Variants in FHIT observed in about 807,000 individuals in gnomAD.
FHIT encodes bis(5'-adenosyl)-triphosphatase.
Under a neutral mutation model 17.9 loss-of-function variants are expected in FHIT, and 19 were observed. The ratio of observed to expected loss-of-function variants is 1.06; its 90% CI spans 0.74 to 1.56. FHIT has a LOEUF of 1.56. FHIT is among the 40% of genes most tolerant of loss of function. The pLI is 0.00. For missense variants in FHIT, 248 were observed against 189.2 expected, an observed-to-expected ratio of 1.31 and a Z score of -1.82; for synonymous variants, 81 against 69.7, an observed-to-expected ratio of 1.16 and a Z score of -0.81.
chr3:59,880,289 ATC>A (rs1477756535), intron 8 of FHIT, among the ~76,000 whole-genome samples: 1 of 151,776 alleles, frequency 6.6e-6, no homozygotes, highest in Non-Finnish European at 1.5e-5. Context: ...TCTCTCAGGG[ATC>A]TCTCTCCTCC....
rs1196422631 is a variant in FHIT at position 60,852,131 on chromosome 3, C to CA, written c.-110-30121dup. Among the ~76,000 whole-genome samples, 57 of 151,728 alleles carry CA rather than the reference C, an allele frequency of 3.8e-4. 1 individual carries two copies. The highest frequency in any genetic ancestry group is 1.3e-3 in the African/African-American group (53 of 41,380). On this transcript the variant is annotated intron_variant, in intron 3 of 9. Coordinates refer to ENST00000492590, the MANE Select transcript of FHIT (RefSeq NM_002012.4). ...CAATCAGCTGAAGGCTTGATTAGGACAAAAAAAAGCTGACCCTCATGCAAG... is the reference window on the plus strand; with the variant it reads ...CAATCAGCTGAAGGCTTGATTAGGACAAAAAAAAAGCTGACCCTCATGCAAG...
chr3:59,855,857 T>C (rs1702133424), intron 8 of FHIT, among the ~76,000 whole-genome samples: 1 of 151,802 alleles, frequency 6.6e-6, no homozygotes, highest in Non-Finnish European at 1.5e-5. Context: ...CTTGGCTCAC[T>C]GCAAGCTCTG....
At chr3:60,260,795 C>A (rs1333196854) in intron 5 of FHIT, among the ~76,000 whole-genome samples, 1 of 151,984 alleles carries the variant, frequency 6.6e-6, no homozygotes, top group African/African-American at 2.4e-5. Flanking sequence ...CGTAAAGAAG[C>A]TGGCCAAAAC....
chr3:60,771,123 T>C (rs1446402382), intron 4 of FHIT, among the ~76,000 whole-genome samples: 1 of 152,242 alleles, frequency 6.6e-6, no homozygotes, highest in Non-Finnish European at 1.5e-5. Context: ...TCCAACTCAA[T>C]CTTCTTTCTT....
At chr3:60,396,720 G>C (rs769756697) in intron 5 of FHIT, among the ~76,000 whole-genome samples, 1 of 152,122 alleles carries the variant, frequency 6.6e-6, no homozygotes, top group Non-Finnish European at 1.5e-5. Context: ...TATAAAGGTG[G>C]TAGCTGCACA....
intron 4 of FHIT, among the ~76,000 whole-genome samples, chr3:60,680,451 C>A (rs1053610392): frequency 6.6e-6 from 1 of 151,690 alleles, no homozygotes; most frequent in African/African-American, 2.4e-5. Flanking sequence ...TATTAATTTT[C>A]TACTATGAAA....
At position 59,751,596 on chromosome 3, in the gene FHIT, A is replaced by AGAGTT. The variant is rs1553659402; in HGVS notation, c.*5+624_*5+625insAACTC. 8 of 220,946 alleles carry AGAGTT rather than the reference A, an allele frequency of 3.6e-5. No individual in the cohort carries two copies. In the South Asian group the frequency reaches 7.4e-4, roughly 20 times the overall value. The allele number at this position is 220,946 out of a possible 1,614,324, so 13.7% of individuals were successfully genotyped here. On this transcript the variant is annotated intron_variant, in intron 9 of 9. Transcript: ENST00000492590. Reference sequence around the variant, plus strand: ...AATTGGCTATAGCTATCTTTCTACCAGAGTCTTAAACCTATGATCTCTCAA... The same window carrying AGAGTT: ...AATTGGCTATAGCTATCTTTCTACCAGAGTTGAGTCTTAAACCTATGATCTCTCAA...
At chr3:60,874,674 T>A (rs781878894) in intron 3 of FHIT, among the ~76,000 whole-genome samples, 2 of 152,138 alleles carry the variant, frequency 1.3e-5, no homozygotes, top group Non-Finnish European at 2.9e-5. Context: ...TCTGCGGGCC[T>A]CCTCTCCCAA....
chr3:61,089,396 T>C (rs188815022), intron 2 of FHIT, among the ~76,000 whole-genome samples: 1 of 152,312 alleles, frequency 6.6e-6, no homozygotes, highest in African/African-American at 2.4e-5. Context: ...CCCGATTCCT[T>C]CTTCCTCCAG....
At chr3:60,687,932 C>G (rs1553698798) in intron 4 of FHIT, among the ~76,000 whole-genome samples, 2 of 151,790 alleles carry the variant, frequency 1.3e-5, no homozygotes, top group Admixed American at 1.3e-4. Context: ...ATTTTTATAG[C>G]CTTTGATTCT....
intron 8 of FHIT, among the ~76,000 whole-genome samples, chr3:59,847,092 G>A (rs1395682172): frequency 1.3e-5 from 2 of 152,030 alleles, no homozygotes; most frequent in African/African-American, 4.8e-5. Context: ...ATTTTGGTGA[G>A]CTTTTTGATG....
intron 5 of FHIT, among the ~76,000 whole-genome samples, chr3:60,395,363 T>G (rs1342508379): frequency 6.6e-6 from 1 of 152,266 alleles, no homozygotes; most frequent in Non-Finnish European, 1.5e-5. Flanking sequence ...ATGCAGACAC[T>G]GAGGATTAGA....
intron 3 of FHIT, among the ~76,000 whole-genome samples, chr3:61,011,718 T>C (rs914754528): frequency 6.6e-6 from 1 of 152,180 alleles, no homozygotes; most frequent in African/African-American, 2.4e-5. Context: ...CGCCTTTTCA[T>C]CTGCAAACAA....
chr3:59,983,748 A>C (rs1708758990), intron 7 of FHIT, among the ~76,000 whole-genome samples: 1 of 152,122 alleles, frequency 6.6e-6, no homozygotes, highest in Non-Finnish European at 1.5e-5. Flanking sequence ...CTCCCAACCT[A>C]GTAATCAGAG....
At chr3:60,569,755 A>ATACATATATATATATATATATT in intron 4 of FHIT, among the ~76,000 whole-genome samples, 1 of 77,344 alleles carries the variant, frequency 1.3e-5, no homozygotes, top group Non-Finnish European at 2.3e-5. Flanking sequence ...ATATATATAT[A>ATACATATATATATATATATATT]TTTTTTTTTT....
chr3:59,905,912 C>T (rs77941385), intron 8 of FHIT, among the ~76,000 whole-genome samples: 4,873 of 152,186 alleles, frequency 0.032, 107 homozygotes, highest in East Asian at 0.049. Flanking sequence ...AAAAAAAACC[C>T]CTCAGAAATG....
At chr3:59,755,362 G>GTGACT (rs1323244434) in intron 8 of FHIT, among the ~76,000 whole-genome samples, 2 of 152,176 alleles carry the variant, frequency 1.3e-5, no homozygotes, top group Middle Eastern at 3.2e-3. Context: ...ATCCATCCAG[G>GTGACT]TGACTTGAAG....
At chr3:60,795,071 T>A (rs1481295840) in intron 4 of FHIT, among the ~76,000 whole-genome samples, 2 of 152,228 alleles carry the variant, frequency 1.3e-5, no homozygotes, top group Non-Finnish European at 2.9e-5. Flanking sequence ...ACACTTTTAC[T>A]CAAATGTCGG....
intron 5 of FHIT, among the ~76,000 whole-genome samples, chr3:60,197,612 T>A (rs1168790677): frequency 6.6e-6 from 1 of 152,204 alleles, no homozygotes; most frequent in East Asian, 1.9e-4. Flanking sequence ...ACAACATCCC[T>A]GGAAAATGGA....
Sources: allele counts gnomAD v4.1 joint callset (sites outside exome capture counted in the v4.1 genomes callset), GRCh38; gene constraint gnomAD v4.1.1; transcripts MANE v1.5; gene names NCBI Gene and HGNC (gene_info 2026-07-23, HGNC 2026-07-21).